The following SLC9B1 variants were observed in gnomAD, a reference collection of about 807,000 sequenced individuals.
SLC9B1 encodes sodium/hydrogen exchanger 9B1.
A neutral mutation model predicts 51.7 loss-of-function variants in SLC9B1; 32 were observed. The ratio of observed to expected loss-of-function variants is 0.62; its 90% CI spans 0.47 to 0.83. The LOEUF (loss-of-function observed/expected upper bound fraction) is 0.83, where lower values mean the gene tolerates loss of function less well. SLC9B1 is among the 40% of genes least tolerant of loss of function. The pLI, the probability that SLC9B1 is intolerant of heterozygous loss-of-function variation, is 0.00. For synonymous variants in SLC9B1, 145 were observed against 212.7 expected (o/e 0.68, Z 2.77); for missense variants, 406 against 613.2 (o/e 0.66, Z 3.57).
At chr4:103,002,053 CACTG>C (rs1295783561) in intron 1 of SLC9B1, among the ~76,000 whole-genome samples, 2 of 152,116 alleles carry the variant, frequency 1.3e-5, no homozygotes, top group Non-Finnish European at 2.9e-5. Flanking sequence ...CATGAGAATT[CACTG>C]ACTATCTTGA....
At chr4:102,894,969 TA>T (rs1213719480) in intron 11 of SLC9B1, among the ~76,000 whole-genome samples, 2 of 152,068 alleles carry the variant, frequency 1.3e-5, no homozygotes, top group Non-Finnish European at 2.9e-5. Flanking sequence ...AACATAAATC[TA>T]AAATTATATA....
intron 1 of SLC9B1, among the ~76,000 whole-genome samples, chr4:102,998,392 A>G (rs1740337673): frequency 6.6e-6 from 1 of 152,182 alleles, no homozygotes; most frequent in African/African-American, 2.4e-5. Flanking sequence ...AGGCTGAATA[A>G]TATGCATTTA....
intron 3 of SLC9B1, among the ~76,000 whole-genome samples, chr4:102,955,701 G>A (rs1199778336): frequency 6.6e-6 from 1 of 151,916 alleles, no homozygotes; most frequent in Non-Finnish European, 1.5e-5. Flanking sequence ...GTCAATAGGT[G>A]CAGCAAACCA....
At chr4:103,001,793 C>A (rs1028827557) in intron 1 of SLC9B1, among the ~76,000 whole-genome samples, 1 of 152,172 alleles carries the variant, frequency 6.6e-6, no homozygotes, top group South Asian at 2.1e-4. Flanking sequence ...ATAGCAGTAC[C>A]CCACTCTTCA....
intron 6 of SLC9B1, among the ~76,000 whole-genome samples, chr4:102,933,445 T>C (rs1173210521): frequency 6.6e-6 from 1 of 152,228 alleles, no homozygotes; most frequent in African/African-American, 2.4e-5. Context: ...CTGCTGCACA[T>C]TGTAATCACC....
At chr4:102,941,333 G>A in intron 6 of SLC9B1, 1 of 308,918 alleles carries the variant, frequency 3.2e-6, no homozygotes, top group Non-Finnish European at 6.8e-6. Context: ...AATGGGCAAA[G>A]GAGAGGACCA....
chr4:103,017,798 A>C (rs1741465000), intron 1 of SLC9B1, among the ~76,000 whole-genome samples: 1 of 152,364 alleles, frequency 6.6e-6, no homozygotes, highest in Middle Eastern at 3.4e-3. Flanking sequence ...TTTAAACTTC[A>C]TAAGAACAGC....
chr4:102,957,782 A>ATGTGTG (rs199987719), intron 3 of SLC9B1, among the ~76,000 whole-genome samples: 1 of 146,874 alleles, frequency 6.8e-6, no homozygotes, highest in Admixed American at 6.8e-5. Flanking sequence ...ATGTGTGTAT[A>ATGTGTG]TGTGTGTGTG....
chr4:102,948,747 A>T (rs1578371875), intron 4 of SLC9B1, among the ~76,000 whole-genome samples: 1 of 152,202 alleles, frequency 6.6e-6, no homozygotes, highest in East Asian at 1.9e-4. Context: ...TCTCACTTAT[A>T]TGTGGGCACT....
At chr4:102,974,247 A>AAAAAT (rs1560962256) in intron 3 of SLC9B1, among the ~76,000 whole-genome samples, 1 of 140,558 alleles carries the variant, frequency 7.1e-6, no homozygotes, top group African/African-American at 2.8e-5. Flanking sequence ...AAATTGAAAA[A>AAAAAT]AAAAAAAAAA....
intron 7 of SLC9B1, among the ~76,000 whole-genome samples, chr4:102,918,627 C>T (rs1409323631): frequency 6.6e-6 from 1 of 152,036 alleles, no homozygotes; most frequent in Non-Finnish European, 1.5e-5. Flanking sequence ...AAGTCATAGC[C>T]CTCAGAAATG....
At chr4:102,927,234 G>T (rs553675614) in intron 7 of SLC9B1, among the ~76,000 whole-genome samples, 1 of 152,194 alleles carries the variant, frequency 6.6e-6, no homozygotes, top group Non-Finnish European at 1.5e-5. Flanking sequence ...GGCAACAGAA[G>T]CCAAAATTGA....
At chr4:102,893,868 C>G (rs1375703905) in intron 11 of SLC9B1, among the ~76,000 whole-genome samples, 6 of 152,146 alleles carry the variant, frequency 3.9e-5, no homozygotes, top group Admixed American at 3.3e-4. Context: ...GCACTCCAGC[C>G]TGGGTGACAG....
chr4:102,934,763 CAAA>C (rs772664880), intron 6 of SLC9B1, among the ~76,000 whole-genome samples: 4 of 115,556 alleles, frequency 3.5e-5, no homozygotes, highest in African/African-American at 3.0e-5. Context: ...GACTCTGTCA[CAAA>C]AAAAAAAAAA....
intron 7 of SLC9B1, among the ~76,000 whole-genome samples, chr4:102,926,104 A>T (rs1258740204): frequency 6.6e-6 from 1 of 152,310 alleles, no homozygotes; most frequent in African/African-American, 2.4e-5. Context: ...TCTCAAAATA[A>T]TAAGAGCTAT....
At chr4:102,952,105 C>T (rs1220983209) in intron 3 of SLC9B1, among the ~76,000 whole-genome samples, 1 of 8,738 alleles carries the variant, frequency 1.1e-4, no homozygotes, top group Non-Finnish European at 2.0e-4. Context: ...TCTCCCAATG[C>T]TATCCCTCCC....
intron 7 of SLC9B1, among the ~76,000 whole-genome samples, chr4:102,931,642 C>T (rs1202651360): frequency 1.0e-5 from 1 of 97,994 alleles, no homozygotes; most frequent in Non-Finnish European, 1.9e-5. Context: ...CCAGATATCA[C>T]CTTGGAATCA....
At chr4:102,925,562 A>G (rs1736119097) in intron 7 of SLC9B1, among the ~76,000 whole-genome samples, 1 of 152,104 alleles carries the variant, frequency 6.6e-6, no homozygotes, top group Admixed American at 6.6e-5. Context: ...AACAAAAAAA[A>G]CTATGACACT....
intron 3 of SLC9B1, among the ~76,000 whole-genome samples, chr4:102,979,664 T>C (rs1739251959): frequency 6.6e-6 from 1 of 152,186 alleles, no homozygotes; most frequent in African/African-American, 2.4e-5. Flanking sequence ...GGCTCCTTAG[T>C]GTCTGTTCTC....
Sources: gnomAD v4.1 joint callset for allele counts (sites outside exome capture counted in the v4.1 genomes callset) on GRCh38, gnomAD v4.1.1 for gene constraint, MANE v1.5 for transcripts, NCBI Gene and HGNC (gene_info 2026-07-23, HGNC 2026-07-21) for gene names.